Variants in MAP7 observed in about 807,000 individuals in gnomAD.
The protein encoded by MAP7 is ensconsin.
A neutral mutation model predicts 94.8 loss-of-function variants in MAP7; 52 were observed. The observed-to-expected ratio is 0.55, with a 90% confidence interval of 0.44 to 0.69. MAP7 has a LOEUF of 0.69. MAP7 is among the 30% of genes least tolerant of loss of function. The pLI is 0.00. For synonymous variants in MAP7, 350 were observed against 357.0 expected (o/e 0.98, Z 0.22); for missense variants, 940 against 964.6 (o/e 0.97, Z 0.34).
intron 1 of MAP7, among the ~76,000 whole-genome samples, chr6:136,514,953 T>G (rs955418005): frequency 2.4e-4 from 37 of 152,356 alleles, no homozygotes; most frequent in African/African-American, 8.7e-4. Context: ...AGGCACTGAC[T>G]TTGACTCTCT....
chr6:136,452,193 CAAACAAAACAAAACAAAACA>C lies in MAP7; in HGVS notation c.68-30414_68-30395del, dbSNP rs71006801. The stretch of plus-strand genomic sequence containing the variant: ...TGGGAGACAGAGCAAGACTCCGTCT[CAAACAAAACAAAACAAAACA>C]AAACAAAACAAAACAAAACAAAACA... On this transcript the variant is annotated intron_variant, in intron 1 of 17. Transcript: ENST00000354570. 3.4e-5 allele frequency among the ~76,000 whole-genome samples: 5 copies of C among 145,710 alleles called. No individual in the cohort carries two copies. The East Asian group carries it at 6.2e-4, about 18-fold the overall frequency.
chr6:136,373,961 C>T (rs1268917247), intron 7 of MAP7, among the ~76,000 whole-genome samples: 2 of 152,222 alleles, frequency 1.3e-5, no homozygotes, highest in Non-Finnish European at 2.9e-5. Context: ...GCTATCACTG[C>T]ATGGTTTTGT....
chr6:136,478,220 T>C (rs1811547761), intron 1 of MAP7, among the ~76,000 whole-genome samples: 1 of 152,080 alleles, frequency 6.6e-6, no homozygotes, highest in South Asian at 2.1e-4. Context: ...CTAACAACAT[T>C]GTACAGAACA....
chr6:136,365,878 T>C lies in MAP7; in HGVS notation c.1130A>G (p.Lys377Arg), dbSNP rs375668436. The change falls in exon 10 of 18, where the codon AAA (lysine) becomes AGA (arginine). Residue 377 changes from lysine (K) to arginine (R), a missense_variant. Physicochemically the swap from Lys to Arg is conservative, Grantham distance 26. Coordinates refer to ENST00000354570, the MANE Select transcript of MAP7 (RefSeq NM_003980.6). ...GNIRPVKREV[K>R]VEPEKKDPEK... ...AGGATCTTTCTTCTCAGGCTCCACT[T>C]TGACTTCCCTCTTGACAGGGCGGAT... 1.9e-6 allele frequency: 3 copies of C among 1,614,032 alleles called. No homozygotes were observed. The highest frequency in any genetic ancestry group is 2.5e-6 in the Non-Finnish European group (3 of 1,180,036).
At chr6:136,347,282 T>C (rs533696382) in intron 16 of MAP7, among the ~76,000 whole-genome samples, 3 of 152,388 alleles carry the variant, frequency 2.0e-5, no homozygotes, top group African/African-American at 7.2e-5. Flanking sequence ...TAATACCAAC[T>C]GCTTGAACAT....
At chr6:136,411,356 T>C (rs1375996591) in intron 3 of MAP7, among the ~76,000 whole-genome samples, 1 of 152,182 alleles carries the variant, frequency 6.6e-6, no homozygotes, top group Non-Finnish European at 1.5e-5. Flanking sequence ...TTCTCAGTAG[T>C]AAAATGTAAG....
intron 3 of MAP7, among the ~76,000 whole-genome samples, chr6:136,402,106 G>T (rs1364396506): frequency 2.0e-5 from 3 of 152,122 alleles, no homozygotes; most frequent in Non-Finnish European, 4.4e-5. Context: ...GCAAACTTCT[G>T]TCTTTCAAGT....
chr6:136,517,676 T>C (rs1825256195), intron 1 of MAP7, among the ~76,000 whole-genome samples: 1 of 152,212 alleles, frequency 6.6e-6, no homozygotes. Context: ...GTAGCACTTT[T>C]TCTATCACTT....
At chr6:136,521,424 G>A (rs148383553) in intron 1 of MAP7, among the ~76,000 whole-genome samples, 5 of 152,280 alleles carry the variant, frequency 3.3e-5, no homozygotes, top group Non-Finnish European at 7.4e-5. Context: ...TGAGTCTTTC[G>A]TCTTTTGAGG....
At chr6:136,493,469 G>A (rs184682747) in intron 1 of MAP7, among the ~76,000 whole-genome samples, 13 of 152,194 alleles carry the variant, frequency 8.5e-5, no homozygotes, top group African/African-American at 2.6e-4. Context: ...CTAGGCTGGA[G>A]TGCAATGGCT....
chr6:136,437,386 T>C (rs1310767154), intron 1 of MAP7, among the ~76,000 whole-genome samples: 1 of 152,170 alleles, frequency 6.6e-6, no homozygotes, highest in Non-Finnish European at 1.5e-5. Context: ...CAAATAGATT[T>C]GTTGCTATGA....
intron 1 of MAP7, among the ~76,000 whole-genome samples, chr6:136,437,185 G>A (rs1264330534): frequency 2.0e-5 from 3 of 152,190 alleles, no homozygotes; most frequent in Non-Finnish European, 2.9e-5. Context: ...AGGTGGCCAG[G>A]AAGTGTTCTT....
intron 6 of MAP7, among the ~76,000 whole-genome samples, chr6:136,381,128 A>T (rs1234592226): frequency 1.3e-5 from 2 of 152,244 alleles, no homozygotes; most frequent in Non-Finnish European, 2.9e-5. Context: ...ACTAACTTTT[A>T]AAAATAGCAG....
intron 1 of MAP7, among the ~76,000 whole-genome samples, chr6:136,423,789 T>TC (rs973124611): frequency 6.8e-6 from 1 of 146,110 alleles, no homozygotes; most frequent in Non-Finnish European, 1.5e-5. Context: ...TGTGTTTTTT[T>TC]TTTTTGTTTT....
chr6:136,444,844 T>C (rs960569564), intron 1 of MAP7, among the ~76,000 whole-genome samples: 1 of 152,208 alleles, frequency 6.6e-6, no homozygotes, highest in Non-Finnish European at 1.5e-5. Flanking sequence ...TAAACTTACA[T>C]TAATCATGCT....
intron 1 of MAP7, among the ~76,000 whole-genome samples, chr6:136,451,675 C>G (rs1164556130): frequency 6.6e-6 from 1 of 152,142 alleles, no homozygotes; most frequent in African/African-American, 2.4e-5. Flanking sequence ...TAAAAACCTT[C>G]TGGAAAGAAT....
chr6:136,454,653 C>A (rs1802292282), intron 1 of MAP7, among the ~76,000 whole-genome samples: 1 of 151,700 alleles, frequency 6.6e-6, no homozygotes, highest in South Asian at 2.1e-4. Context: ...GCCTGAAATC[C>A]CAGCATTTTG....
intron 1 of MAP7, among the ~76,000 whole-genome samples, chr6:136,471,375 T>C (rs148039614): frequency 0.023 from 3,429 of 152,336 alleles, 65 homozygotes; most frequent in Middle Eastern, 0.048. Context: ...ATTGCTTTTG[T>C]GTTTGAAAAG....
intron 1 of MAP7, among the ~76,000 whole-genome samples, chr6:136,487,083 AAAACATAAAAT>A (rs935786951): frequency 6.6e-6 from 1 of 152,242 alleles, no homozygotes; most frequent in African/African-American, 2.4e-5. Flanking sequence ...TGAAAAATCA[AAAACATAAAAT>A]AAACCACCAT....
Sources: gnomAD v4.1 joint callset for allele counts (sites outside exome capture counted in the v4.1 genomes callset) on GRCh38, gnomAD v4.1.1 for gene constraint, MANE v1.5 for transcripts, NCBI Gene and HGNC (gene_info 2026-07-23, HGNC 2026-07-21) for gene names.